NOX4: variants seen among roughly 807,000 people sequenced by gnomAD.
The protein encoded by NOX4 is NADPH oxidase 4.
NOX4 carries 69 observed loss-of-function variants against 87.6 expected under a neutral mutation model. The ratio of observed to expected loss-of-function variants is 0.79; its 90% CI spans 0.65 to 0.96. The LOEUF (loss-of-function observed/expected upper bound fraction) is 0.96. Ranked by LOEUF, NOX4 falls within the 40% of genes least tolerant of loss-of-function variation. NOX4 has a pLI of 0.00. For missense variants in NOX4, 680 were observed against 681.5 expected (o/e 1.00, Z 0.02); for synonymous variants, 275 against 238.2 (o/e 1.15, Z -1.42).
intron 2 of NOX4, among the ~76,000 whole-genome samples, chr11:89,458,959 T>A (rs746629003): frequency 6.6e-6 from 1 of 152,114 alleles, no homozygotes; most frequent in Non-Finnish European, 1.5e-5. Flanking sequence ...ATTGAATATA[T>A]ACCCAAAGGG....
chr11:89,555,697 C>A, the NOX4 span, among the ~76,000 whole-genome samples: 1 of 152,000 alleles, frequency 6.6e-6, no homozygotes, highest in African/African-American at 2.4e-5. Flanking sequence ...ACAGAAGTAC[C>A]ATGGACACCA....
At chr11:89,386,276 G>A (rs1472661799) in intron 11 of NOX4, among the ~76,000 whole-genome samples, 1 of 152,078 alleles carries the variant, frequency 6.6e-6, no homozygotes, top group African/African-American at 2.4e-5. Flanking sequence ...ACTATCTTCT[G>A]TCTAGTCAAA....
chr11:89,526,132 T>C, the NOX4 span, among the ~76,000 whole-genome samples: 1 of 152,210 alleles, frequency 6.6e-6, no homozygotes, highest in African/African-American at 2.4e-5. Context: ...CTTGTATAAG[T>C]TCTGCAGCTT....
the NOX4 span, among the ~76,000 whole-genome samples, chr11:89,523,762 A>G: frequency 1.1e-4 from 17 of 152,216 alleles, no homozygotes; most frequent in Non-Finnish European, 2.4e-4. Flanking sequence ...AAAACATGCT[A>G]TACTCATGCA....
chr11:89,419,654 CA>C (rs1942982092), intron 8 of NOX4, among the ~76,000 whole-genome samples: 1 of 151,636 alleles, frequency 6.6e-6, no homozygotes, highest in African/African-American at 2.4e-5. Flanking sequence ...ATATATAATT[CA>C]TCCTATAGAT....
At chr11:89,372,939 A>G (rs949997842) in intron 12 of NOX4, among the ~76,000 whole-genome samples, 3 of 151,942 alleles carry the variant, frequency 2.0e-5, no homozygotes, top group African/African-American at 7.2e-5. Flanking sequence ...GTATTTACTG[A>G]AGACAAGTAA....
chr11:89,360,323 G>C (rs1938422763), intron 12 of NOX4, among the ~76,000 whole-genome samples: 1 of 152,062 alleles, frequency 6.6e-6, no homozygotes, highest in Non-Finnish European at 1.5e-5. Context: ...AGACACCGTT[G>C]CCAAGTAGAT....
At chr11:89,440,427 C>T (rs1264822948) in intron 6 of NOX4, among the ~76,000 whole-genome samples, 2 of 152,108 alleles carry the variant, frequency 1.3e-5, no homozygotes, top group Non-Finnish European at 2.9e-5. Flanking sequence ...TCAAGTGATT[C>T]TCCTGCCTCA....
rs532982594 is a variant in NOX4 at position 89,430,740 on chromosome 11, G to T, written c.548+2044C>A. Among the ~76,000 whole-genome samples the T allele has an allele frequency of 2.8e-3, 433 of 152,236 alleles. 2 individuals carry two copies. Among genetic ancestry groups the T allele is most frequent in the African/African-American group, 0.01 (419 of 41,534 alleles). ...AAATGGAAGAACATTCCATGCTCAG[G>T]GATAGGAAGAATCAATATCGTGAAA... On this transcript the variant is annotated intron_variant, in intron 7 of 17. Coordinates refer to ENST00000263317, the MANE Select transcript of NOX4 (RefSeq NM_016931.5).
chr11:89,469,734 C>T (rs1945849110), intron 2 of NOX4, among the ~76,000 whole-genome samples: 1 of 152,108 alleles, frequency 6.6e-6, no homozygotes, highest in Admixed American at 6.6e-5. Flanking sequence ...ATGCTCTTTC[C>T]GTATTTTTAC....
chr11:89,381,788 G>T (rs891180562), intron 11 of NOX4, among the ~76,000 whole-genome samples: 1 of 152,146 alleles, frequency 6.6e-6, no homozygotes, highest in African/African-American at 2.4e-5. Context: ...AGACCAACCA[G>T]CCCAAGGAAC....
the NOX4 span, among the ~76,000 whole-genome samples, chr11:89,569,989 G>A: frequency 2.2e-4 from 31 of 142,552 alleles, no homozygotes; most frequent in African/African-American, 5.2e-4. Flanking sequence ...GCGACAGAGC[G>A]AGACTCTGTC....
At chr11:89,439,402 G>T (rs1029946717) in intron 6 of NOX4, among the ~76,000 whole-genome samples, 6 of 152,154 alleles carry the variant, frequency 3.9e-5, no homozygotes, top group African/African-American at 1.4e-4. Context: ...GAAATACTTT[G>T]CAAGTGGCAA....
rs147163890 is a variant in NOX4 at position 89,477,198 on chromosome 11, G to C, written c.153+13260C>G. The stretch of plus-strand genomic sequence containing the variant: ...GAGAATCAGTGATTGCCCTGAGCCT[G>C]TTTGCCTGAAACTAAATGGTCCTAT... On this transcript the variant is annotated intron_variant, in intron 2 of 17. Transcript: ENST00000263317. Among the ~76,000 whole-genome samples, 1,331 of 152,284 alleles carry C rather than the reference G, an allele frequency of 8.7e-3. 12 individuals are homozygous for C. Among genetic ancestry groups the C allele is most frequent in the South Asian group, 0.047 (228 of 4,826 alleles).
intron 6 of NOX4, among the ~76,000 whole-genome samples, chr11:89,436,401 C>T (rs1177987661): frequency 6.6e-6 from 1 of 152,156 alleles, no homozygotes; most frequent in African/African-American, 2.4e-5. Flanking sequence ...AGTCTAATCT[C>T]ACCGGGCAAA....
the NOX4 span, among the ~76,000 whole-genome samples, chr11:89,540,786 T>TAAAAAAAAAAAAAAA: frequency 1.8e-4 from 8 of 43,520 alleles, no homozygotes; most frequent in Non-Finnish European, 2.6e-4. Flanking sequence ...AGACTCCGTC[T>TAAAAAAAAAAAAAAA]AAAAAAAAAA....
At position 89,347,755 on chromosome 11, in the gene NOX4, A is replaced by G. The variant is rs911003395; in HGVS notation, c.1218-5562T>C. Among the ~76,000 whole-genome samples the G allele has an allele frequency of 3.9e-5, 6 of 152,124 alleles. No individual in the cohort carries two copies. The East Asian group carries it at 1.2e-3, about 29-fold the overall frequency. On this transcript the variant is annotated intron_variant, in intron 13 of 17. Coordinates refer to ENST00000263317, the MANE Select transcript of NOX4 (RefSeq NM_016931.5). ...ATTATGCCTCCGAACACCCTTAGAC[A>G]TCTATCTGATCTTCCATATTACTAT... is the stretch of plus-strand genomic sequence containing the variant.
chr11:89,472,155 T>C (rs999436413), intron 2 of NOX4, among the ~76,000 whole-genome samples: 2 of 152,186 alleles, frequency 1.3e-5, no homozygotes, highest in Admixed American at 1.3e-4. Context: ...GAAGCAATCA[T>C]TTCTTTTAAA....
At chr11:89,327,813 C>A (rs986459143) in intron 17 of NOX4, among the ~76,000 whole-genome samples, 2 of 151,950 alleles carry the variant, frequency 1.3e-5, no homozygotes, top group African/African-American at 4.8e-5. Context: ...AAACTAAAAG[C>A]TGTGAAAATA....
Sources: gnomAD v4.1 joint callset for allele counts (sites outside exome capture counted in the v4.1 genomes callset) on GRCh38, gnomAD v4.1.1 for gene constraint, MANE v1.5 for transcripts, NCBI Gene and HGNC (gene_info 2026-07-23, HGNC 2026-07-21) for gene names.